SREK1: variants seen among roughly 807,000 people sequenced by gnomAD.
SREK1 encodes splicing regulatory glutamine/lysine-rich protein 1.
In SREK1, 13 loss-of-function variants were observed where a neutral mutation model predicts 66.5. The observed-to-expected ratio is 0.20, with a 90% CI of 0.13 to 0.31. The LOEUF is 0.31. Ranked by LOEUF, SREK1 falls within the 10% of genes least tolerant of loss-of-function variation. The probability of loss-of-function intolerance (pLI) is 1.00; values close to 1 mark genes in which losing one functional copy is unlikely to be tolerated. For missense variants in SREK1, 607 were observed against 769.6 expected (o/e 0.79, Z 2.50); for synonymous variants, 265 against 263.5 (o/e 1.01, Z -0.05).
intron 1 of SREK1, among the ~76,000 whole-genome samples, chr5:66,152,250 G>A (rs1391584183): frequency 6.7e-6 from 1 of 148,450 alleles, no homozygotes; most frequent in Non-Finnish European, 1.5e-5. Flanking sequence ...TTATCACATT[G>A]TTTGGTTAAT....
chr5:66,149,327 G>T (rs748064440), intron 1 of SREK1, among the ~76,000 whole-genome samples: 6 of 151,754 alleles, frequency 4.0e-5, no homozygotes, highest in Admixed American at 6.6e-5. Context: ...TCCAGCTCGG[G>T]TGACAGTGTG....
chr5:66,149,220 G>A lies in SREK1; in HGVS notation c.162-4243G>A, dbSNP rs182591206. On this transcript the variant is annotated intron_variant, in intron 1 of 11. Coordinates refer to ENST00000334121, the MANE Select transcript of SREK1 (RefSeq NM_001077199.3). Reference sequence around the variant, plus strand: ...TACAAAAAATTAGCTGGGTGTGGTGGTGTGCACCTGTTATCCCAGCTACTT... The same window carrying A: ...TACAAAAAATTAGCTGGGTGTGGTGATGTGCACCTGTTATCCCAGCTACTT... Among the ~76,000 whole-genome samples, 55 of 152,226 alleles carry A rather than the reference G, an allele frequency of 3.6e-4. 2 individuals carry two copies. In the East Asian group the frequency reaches 0.01, roughly 28 times the overall value.
Position 66,179,164 on chromosome 5 carries a change from A to T in SREK1, c.*296A>T, listed in dbSNP as rs1040609177. 1 of 205,144 alleles carries T rather than the reference A, an allele frequency of 4.9e-6. No homozygotes were observed. Among genetic ancestry groups the T allele is most frequent in the Non-Finnish European group, 9.8e-6 (1 of 102,340 alleles). The allele number at this position is 205,144 out of a possible 1,614,324, so 12.7% of individuals were successfully genotyped here. A position where few individuals can be genotyped will look rare whatever the true frequency, so the allele number is the denominator to read the frequency against. Reference sequence around the variant, plus strand: ...TGTTTGCCAAGAACCATTGCAAATAAATTGAACATCAAAGATCCAAGTTTG... The same window carrying T: ...TGTTTGCCAAGAACCATTGCAAATATATTGAACATCAAAGATCCAAGTTTG... On this transcript the variant is annotated 3_prime_UTR_variant, in exon 12 of 12. Transcript: ENST00000334121.
Position 66,174,946 on chromosome 5 carries a change from G to C in SREK1, c.1485G>C (p.Arg495Ser). The change falls in exon 10 of 12, where the codon AGG becomes AGC. Residue 495 changes from arginine to serine, a missense_variant and splice_region_variant. Arg to Ser is a moderately radical substitution (Grantham distance 110, BLOSUM62 -1). This residue lies in a region of SREK1 where 318 missense variants were observed against 310.3 expected (regional missense o/e 1.02). Coordinates refer to ENST00000334121, the MANE Select transcript of SREK1 (RefSeq NM_001077199.3). Reference protein sequence around the residue: ...NASRRSRSSSRERRRRRSRSS... With the variant: ...NASRRSRSSSSERRRRRSRSS... Reference sequence around the variant, plus strand: ...AAAATGATGTGTTTTTGATTTTCAGGGAAAGGCGTAGGAGGAGGAGCAGGA... The same window carrying C: ...AAAATGATGTGTTTTTGATTTTCAGCGAAAGGCGTAGGAGGAGGAGCAGGA... 1.2e-6 allele frequency: 2 copies of C among 1,608,990 alleles called. No individual in the cohort carries two copies. The highest frequency in any genetic ancestry group is 1.7e-6 in the Non-Finnish European group (2 of 1,178,172).
chr5:66,152,408 ATAG>A (rs1459239612), intron 1 of SREK1, among the ~76,000 whole-genome samples: 1 of 149,328 alleles, frequency 6.7e-6, no homozygotes, highest in African/African-American at 2.6e-5. Flanking sequence ...TGCTAATTTA[ATAG>A]TATGTCAGAA....
chr5:66,150,835 T>C (rs2111945521), intron 1 of SREK1, among the ~76,000 whole-genome samples: 1 of 152,240 alleles, frequency 6.6e-6, no homozygotes, highest in African/African-American at 2.4e-5. Context: ...TCTTTGTAGT[T>C]TGACAATTTT....
chr5:66,168,680 C>T (rs1267949369), intron 7 of SREK1: 2 of 151,878 alleles, frequency 1.3e-5, no homozygotes, highest in African/African-American at 4.8e-5. Flanking sequence ...CCCAGCCCAA[C>T]TATATTTCTT....
rs185588821 is a variant in SREK1 at position 66,147,861 on chromosome 5, A to T, written c.161+3324A>T. ...GTATAGTGCTATCATTATGTAATATATGTAATATAGCGTAATCAAAGGAAT... is the reference window on the plus strand; with the variant it reads ...GTATAGTGCTATCATTATGTAATATTTGTAATATAGCGTAATCAAAGGAAT... On this transcript the variant is annotated intron_variant, in intron 1 of 11. Transcript: ENST00000334121. Among the ~76,000 whole-genome samples, 4 of 152,268 alleles carry T rather than the reference A, an allele frequency of 2.6e-5. No individual in the cohort carries two copies. The East Asian group carries it at 7.7e-4, about 29-fold the overall frequency.
In SREK1 at chr5:66,170,735, C is replaced by T. The variant is rs1036470602; in HGVS notation, c.1272C>T (p.Asp424=). ...ACCGGGACAAGGAACGGGAAAAGGA[C>T]CGGGAAAAAGACAAGGAAAAGGACA... ...NKDRDKEREK[D]REKDKEKDRE... Residue 424 remains aspartate (D), a synonymous_variant, in exon 9 of 12, where the codon GAC becomes GAT. Coordinates refer to ENST00000334121, the MANE Select transcript of SREK1 (RefSeq NM_001077199.3). The T allele has an allele frequency of 2.5e-6, 4 of 1,599,036 alleles. No homozygotes were observed. The highest frequency in any genetic ancestry group is 2.7e-5 in the African/African-American group (2 of 73,736).
In SREK1 at chr5:66,170,795, T is replaced by A. The variant is rs777215323; in HGVS notation, c.1332T>A (p.Asp444Glu). 9 of 1,604,596 alleles carry A rather than the reference T, an allele frequency of 5.6e-6. No homozygotes were observed. Among genetic ancestry groups the A allele is most frequent in the Non-Finnish European group, 7.7e-6 (9 of 1,176,178 alleles). ...AACGGGAAAAAGAGCATGAGAAGGA[T>A]CGAGACAAAGAGAAGGAAAAGGAAC... ...EREREKEHEK[D>E]RDKEKEKEQD... Residue 444 changes from aspartate (D) to glutamate (E), a missense_variant, in exon 9 of 12, where the codon GAT becomes GAA. Asp to Glu is a conservative substitution (Grantham distance 45, BLOSUM62 2). Transcript: ENST00000334121.
At chr5:66,173,986 A>G (rs1028421032) in intron 9 of SREK1, among the ~76,000 whole-genome samples, 1 of 152,154 alleles carries the variant, frequency 6.6e-6, no homozygotes, top group Non-Finnish European at 1.5e-5. Flanking sequence ...ATACCGTGTG[A>G]GCATTTTTTA....
At position 66,174,954 on chromosome 5, in the gene SREK1, G is replaced by T; in HGVS notation, c.1493G>T (p.Arg498Leu). The part of the protein sequence containing the change: ...RRSRSSSRER[R>L]RRRSRSSSRS... Reference sequence around the variant, plus strand: ...GTGTTTTTGATTTTCAGGGAAAGGCGTAGGAGGAGGAGCAGGAGTTCTTCC... The same window carrying T: ...GTGTTTTTGATTTTCAGGGAAAGGCTTAGGAGGAGGAGCAGGAGTTCTTCC... The change falls in exon 10 of 12, where the codon CGT (arginine) becomes CTT (leucine). Residue 498 changes from arginine (R) to leucine (L), a missense_variant. Arg to Leu is a moderately radical substitution (Grantham distance 102). Around this residue, in one of 5 missense-constraint regions of SREK1, gnomAD observed 318 missense variants for 310.3 expected, o/e 1.02. Transcript: ENST00000334121. 2 of 1,612,620 alleles carry T rather than the reference G, an allele frequency of 1.2e-6. No individual in the cohort carries two copies. The highest frequency in any genetic ancestry group is 1.7e-6 in the Non-Finnish European group (2 of 1,179,264).
rs746786359 is a variant in SREK1, at chr5:66,178,794, G to A, written c.1801G>A (p.Glu601Lys). The A allele has an allele frequency of 7.4e-6, 12 of 1,612,512 alleles. No homozygotes were observed. The South Asian group carries it at 1.3e-4, about 18-fold the overall frequency. ...TGACAAGGATGCACCAAGGACTGAG[G>A]AAAACAAAATACAGCACAATGGGAA... is the stretch of plus-strand genomic sequence containing the variant. ...VDDKDAPRTE[E>K]NKIQHNGNCQ... Residue 601 changes from glutamate (E) to lysine (K), a missense_variant, in exon 12 of 12, where the codon GAA becomes AAA. Transcript: ENST00000334121.
intron 1 of SREK1, among the ~76,000 whole-genome samples, chr5:66,148,926 GC>G (rs1276552123): frequency 1.3e-5 from 2 of 152,160 alleles, no homozygotes; most frequent in Admixed American, 6.5e-5. Flanking sequence ...TTGTTGGCTT[GC>G]TACTCTAATA....
At chr5:66,177,027 T>C (rs1165635622) in intron 10 of SREK1, among the ~76,000 whole-genome samples, 3 of 152,096 alleles carry the variant, frequency 2.0e-5, no homozygotes. Context: ...TCAAAACTTT[T>C]CTCTTATGAA....
chr5:66,151,516 G>A (rs958974368), intron 1 of SREK1, among the ~76,000 whole-genome samples: 3 of 152,144 alleles, frequency 2.0e-5, no homozygotes, highest in Non-Finnish European at 4.4e-5. Context: ...TGGAATGCAG[G>A]GGACAGAGGG....
At chr5:66,162,316 C>A (rs886091479) in intron 4 of SREK1, 43 bp downstream of exon 4, 18 of 1,607,380 alleles carry the variant, frequency 1.1e-5, no homozygotes, top group Non-Finnish European at 1.4e-5. Context: ...AGCCCTTATT[C>A]TTTTTCTCTT....
rs1292218760 is a variant in SREK1, at chr5:66,178,878, G to A, written c.*10G>A. On this transcript the variant is annotated 3_prime_UTR_variant, in exon 12 of 12. Coordinates refer to ENST00000334121, the MANE Select transcript of SREK1 (RefSeq NM_001077199.3). The stretch of plus-strand genomic sequence containing the variant: ...AACAGAAGCAGTATAGGACCGACAA[G>A]TGTACCTCTGCACTCAATGCTGGAA... The A allele has an allele frequency of 6.2e-7, 1 of 1,602,604 alleles. No individual in the cohort carries two copies. Among genetic ancestry groups the A allele is most frequent in the Non-Finnish European group, 8.5e-7 (1 of 1,173,658 alleles).
rs566090139 is a variant in SREK1, at chr5:66,167,572, C to T, written c.1002-2479C>T. On this transcript the variant is annotated intron_variant, in intron 7 of 11. Coordinates refer to ENST00000334121, the MANE Select transcript of SREK1 (RefSeq NM_001077199.3). The stretch of plus-strand genomic sequence containing the variant: ...TAGATCTGCTCTTGACTACTTCTAG[C>T]ATTCTTAATCAGAAAACTACTAGTG... 12 of 152,292 alleles carry T rather than the reference C, an allele frequency of 7.9e-5. No individual in the cohort carries two copies. In the East Asian group the frequency reaches 2.1e-3, roughly 27 times the overall value. The allele number at this position is 152,292 out of a possible 1,614,324, so 9.4% of individuals were successfully genotyped here.
Sources: allele counts gnomAD v4.1 joint callset (sites outside exome capture counted in the v4.1 genomes callset), GRCh38; gene constraint gnomAD v4.1.1; regional missense constraint gnomAD v4.1.1; transcripts MANE v1.5; gene names NCBI Gene and HGNC (gene_info 2026-07-23, HGNC 2026-07-21).